The following GALM variants were observed in gnomAD, a reference collection of about 807,000 sequenced individuals.
GALM encodes the protein aldose 1-epimerase.
A neutral mutation model predicts 37.4 loss-of-function variants in GALM; 43 were observed. The ratio of observed to expected loss-of-function variants is 1.15; its 90% CI spans 0.90 to 1.48. The LOEUF (loss-of-function observed/expected upper bound fraction) is 1.48, where lower values mean the gene tolerates loss of function less well. GALM is among the 40% of genes most tolerant of loss of function. GALM has a pLI of 0.00. For missense variants in GALM, 456 were observed against 419.1 expected, an observed-to-expected ratio of 1.09 and a Z score of -0.77; for synonymous variants, 199 against 170.6, an observed-to-expected ratio of 1.17 and a Z score of -1.30.
At chr2:38,733,002 C>A (rs559619776) in intron 6 of GALM, among the ~76,000 whole-genome samples, 23 of 151,520 alleles carry the variant, frequency 1.5e-4, no homozygotes, top group Non-Finnish European at 1.6e-4. Context: ...AGGTGTATCA[C>A]TTGAGGTCAG....
At chr2:38,669,207 C>G (rs1003255428) in intron 1 of GALM, 1 of 152,212 alleles carries the variant, frequency 6.6e-6, no homozygotes, top group Non-Finnish European at 1.5e-5. Flanking sequence ...GCAGACAGCC[C>G]GGCACTACGC....
intron 4 of GALM, among the ~76,000 whole-genome samples, chr2:38,726,655 A>G (rs1390827019): frequency 6.6e-6 from 1 of 152,016 alleles, no homozygotes; most frequent in East Asian, 1.9e-4. Flanking sequence ...CCTGCCTATA[A>G]TCCCAGCACT....
chr2:38,712,650 C>T (rs1433425918), intron 4 of GALM, among the ~76,000 whole-genome samples: 1 of 152,162 alleles, frequency 6.6e-6, no homozygotes, highest in Non-Finnish European at 1.5e-5. Context: ...TTCAGGGCTC[C>T]CTGCTTCTGA....
chr2:38,674,651 A>C (rs1333488258), intron 1 of GALM, among the ~76,000 whole-genome samples: 1 of 152,112 alleles, frequency 6.6e-6, no homozygotes, highest in Non-Finnish European at 1.5e-5. Flanking sequence ...ACTCTCTCTA[A>C]AGGATATTTT....
At chr2:38,721,489 C>T (rs143104724) in intron 4 of GALM, among the ~76,000 whole-genome samples, 1 of 152,196 alleles carries the variant, frequency 6.6e-6, no homozygotes, top group African/African-American at 2.4e-5. Flanking sequence ...TGATTATTTT[C>T]TTATCCATGT....
chr2:38,681,870 G>A (rs1458481012), intron 3 of GALM, among the ~76,000 whole-genome samples: 1 of 152,190 alleles, frequency 6.6e-6, no homozygotes, highest in Non-Finnish European at 1.5e-5. Context: ...GCATGGTCCA[G>A]CTCCTTTAGA....
intron 4 of GALM, among the ~76,000 whole-genome samples, chr2:38,702,262 C>T (rs562671463): frequency 6.6e-6 from 1 of 152,204 alleles, no homozygotes; most frequent in East Asian, 1.9e-4. Context: ...TTGATAATCT[C>T]CAGGTTAATA....
intron 4 of GALM, among the ~76,000 whole-genome samples, chr2:38,704,874 G>A (rs1225581767): frequency 2.0e-5 from 3 of 152,014 alleles, no homozygotes. Context: ...CTTTAAGACG[G>A]CACATTACTG....
chr2:38,729,321 G>A (rs3112161), intron 4 of GALM, among the ~76,000 whole-genome samples: 32,479 of 151,824 alleles, frequency 0.21, 3,950 homozygotes, highest in Admixed American at 0.26. Flanking sequence ...CTGAGTAGCT[G>A]AGACCACAGG....
intron 1 of GALM, among the ~76,000 whole-genome samples, chr2:38,674,191 CTTT>C (rs202079509): frequency 2.1e-4 from 28 of 134,444 alleles, no homozygotes; most frequent in African/African-American, 6.0e-4. Flanking sequence ...ACAGCTTATA[CTTT>C]TTTTTTTTTT....
chr2:38,717,306 AGTGTGTGT>A (rs56902027), intron 4 of GALM, among the ~76,000 whole-genome samples: 26,283 of 143,664 alleles, frequency 0.18, 2,533 homozygotes, highest in Admixed American at 0.24. Context: ...GTATTAAGGG[AGTGTGTGT>A]GTGTGTGTGT....
intron 3 of GALM, among the ~76,000 whole-genome samples, chr2:38,686,432 C>A (rs1572519007): frequency 6.6e-6 from 1 of 151,378 alleles, no homozygotes; most frequent in African/African-American, 2.4e-5. Flanking sequence ...TGCCCAGCTA[C>A]TTTTTTGTAT....
chr2:38,674,611 A>ATT (rs1665193258), intron 1 of GALM, among the ~76,000 whole-genome samples: 1 of 152,190 alleles, frequency 6.6e-6, no homozygotes, highest in African/African-American at 2.4e-5. Context: ...TCCTCTGGCA[A>ATT]ACCTACTCTA....
At chr2:38,675,284 C>G (rs938687528) in intron 1 of GALM, among the ~76,000 whole-genome samples, 3 of 152,158 alleles carry the variant, frequency 2.0e-5, no homozygotes, top group African/African-American at 7.2e-5. Flanking sequence ...AGCAGTGGCT[C>G]TCTCGAGTGA....
Position 38,666,423 on chromosome 2 carries a change from C to G in GALM, c.190+72C>G, listed in dbSNP as rs983309962. 4 of 1,208,404 alleles carry G rather than the reference C, an allele frequency of 3.3e-6. No individual in the cohort carries two copies. The African/African-American group carries it at 4.6e-5, about 14-fold the overall frequency. The allele number at this position is 1,208,404 out of a possible 1,614,324, so 74.9% of individuals were successfully genotyped here. A position where few individuals can be genotyped will look rare whatever the true frequency, so the allele number is the denominator to read the frequency against. ...CTACATACCTCCCGGATCTAGCGGG[C>G]CACTTGCAATGCGAGGGACCAAGGG... On this transcript the variant is annotated intron_variant, in intron 1 of 6. Coordinates refer to ENST00000272252, the MANE Select transcript of GALM (RefSeq NM_138801.3).
At chr2:38,689,286 G>A (rs571220729) in intron 3 of GALM, among the ~76,000 whole-genome samples, 4 of 152,308 alleles carry the variant, frequency 2.6e-5, no homozygotes, top group East Asian at 3.9e-4. Flanking sequence ...CATGGAGGAG[G>A]TGGGCAAATT....
At chr2:38,669,690 A>G (rs1052287999) in intron 1 of GALM, among the ~76,000 whole-genome samples, 25 of 152,078 alleles carry the variant, frequency 1.6e-4, no homozygotes, top group Non-Finnish European at 1.9e-4. Flanking sequence ...CCTGGCCGAC[A>G]TGGTGAAACC....
At chr2:38,690,109 TACC>T (rs1439057077) in intron 4 of GALM, among the ~76,000 whole-genome samples, 1 of 152,218 alleles carries the variant, frequency 6.6e-6, no homozygotes, top group African/African-American at 2.4e-5. Flanking sequence ...GCAGTATTTT[TACC>T]ACTTTTCTGT....
At chr2:38,718,196 C>CTTTTTT (rs3059479) in intron 4 of GALM, among the ~76,000 whole-genome samples, 12 of 131,284 alleles carry the variant, frequency 9.1e-5, no homozygotes, top group Non-Finnish European at 9.4e-5. Context: ...TTTTTCTTTT[C>CTTTTTT]TTTTTTTTTT....
Sources: allele counts gnomAD v4.1 joint callset (sites outside exome capture counted in the v4.1 genomes callset), GRCh38; gene constraint gnomAD v4.1.1; transcripts MANE v1.5; gene names NCBI Gene and HGNC (gene_info 2026-07-23, HGNC 2026-07-21).